DCTD: variants seen among roughly 807,000 people sequenced by gnomAD.
The protein encoded by DCTD is deoxycytidylate deaminase.
DCTD carries 23 observed loss-of-function variants against 21.0 expected under a neutral mutation model. That is an observed-to-expected ratio of 1.09 (90% CI 0.79 to 1.55). The LOEUF (loss-of-function observed/expected upper bound fraction) is 1.55, where lower values mean the gene tolerates loss of function less well. DCTD is among the 40% of genes most tolerant of loss of function. The pLI, the probability that DCTD is intolerant of heterozygous loss-of-function variation, is 0.00. For missense variants in DCTD, 224 were observed against 230.0 expected (o/e 0.97, Z 0.17); for synonymous variants, 71 against 81.1 (o/e 0.88, Z 0.67).
intron 3 of DCTD, among the ~76,000 whole-genome samples, chr4:182,911,963 A>G (rs1476111947): frequency 6.6e-6 from 1 of 152,134 alleles, no homozygotes; most frequent in Non-Finnish European, 1.5e-5. Flanking sequence ...AGAGTTAAAA[A>G]TCATTGTCCA....
intron 3 of DCTD, among the ~76,000 whole-genome samples, chr4:182,896,649 G>C (rs1183094737): frequency 1.3e-5 from 2 of 152,190 alleles, no homozygotes; most frequent in Non-Finnish European, 2.9e-5. Flanking sequence ...CCACATGTGC[G>C]CTGGCCTTGG....
chr4:182,897,120 A>G (rs1229674605), intron 3 of DCTD, among the ~76,000 whole-genome samples: 2 of 152,178 alleles, frequency 1.3e-5, no homozygotes, highest in African/African-American at 4.8e-5. Flanking sequence ...ATTTAACAGT[A>G]TAGGTCTGGA....
chr4:182,899,940 T>C (rs560656506), intron 3 of DCTD, among the ~76,000 whole-genome samples: 1 of 152,334 alleles, frequency 6.6e-6, no homozygotes, highest in Non-Finnish European at 1.5e-5. Context: ...ACTTACCAGG[T>C]GAGCATCCCA....
chr4:182,895,513 C>T (rs1333304323), intron 3 of DCTD, among the ~76,000 whole-genome samples: 3 of 152,178 alleles, frequency 2.0e-5, no homozygotes, highest in African/African-American at 7.2e-5. Context: ...TCCCCTTCCT[C>T]CCTCTCTCGA....
At chr4:182,909,479 C>G (rs1259949136) in intron 3 of DCTD, among the ~76,000 whole-genome samples, 1 of 152,136 alleles carries the variant, frequency 6.6e-6, no homozygotes, top group East Asian at 1.9e-4. Context: ...GCTGTCGGGC[C>G]ACAACTAGTA....
At chr4:182,903,612 A>C (rs1025913944) in intron 3 of DCTD, among the ~76,000 whole-genome samples, 1 of 152,056 alleles carries the variant, frequency 6.6e-6, no homozygotes, top group Non-Finnish European at 1.5e-5. Flanking sequence ...CTGGGGAGAA[A>C]GTGGTGGGTC....
intron 3 of DCTD, among the ~76,000 whole-genome samples, chr4:182,914,419 T>A (rs546281173): frequency 6.6e-6 from 1 of 152,346 alleles, no homozygotes; most frequent in East Asian, 1.9e-4. Flanking sequence ...ACAGTTTGAT[T>A]CCTGCTTGCC....
chr4:182,915,653 C>A (rs116529008), intron 1 of DCTD, 78 bp from the exon 2 acceptor site: 13 of 1,010,546 alleles, frequency 1.3e-5, no homozygotes, highest in Middle Eastern at 2.2e-4. Flanking sequence ...CCCAACCACA[C>A]TGAACCTTTA....
intron 3 of DCTD, 41 bp from the exon 4 acceptor site, chr4:182,894,646 G>T: frequency 7.8e-7 from 1 of 1,286,408 alleles, no homozygotes; most frequent in Non-Finnish European, 1.1e-6. Context: ...TTTGGTTGCA[G>T]CTCATGAAGA....
intron 1 of DCTD, chr4:182,916,776 G>C: frequency 8.9e-7 from 1 of 1,124,926 alleles, no homozygotes; most frequent in Non-Finnish European, 1.1e-6. Context: ...AGCAGGAGAG[G>C]GAAGGGTCCT....
chr4:182,902,994 AT>A (rs1340206503), intron 3 of DCTD, among the ~76,000 whole-genome samples: 1 of 152,192 alleles, frequency 6.6e-6, no homozygotes, highest in African/African-American at 2.4e-5. Context: ...GGACAAAGGG[AT>A]TTAAATCCTA....
chr4:182,906,395 A>C (rs569867858), intron 3 of DCTD, among the ~76,000 whole-genome samples: 1 of 152,336 alleles, frequency 6.6e-6, no homozygotes, highest in East Asian at 1.9e-4. Context: ...TCAAAAACAG[A>C]GACCCTCCCA....
chr4:182,912,495 G>A (rs898038906), intron 3 of DCTD, among the ~76,000 whole-genome samples: 2 of 152,148 alleles, frequency 1.3e-5, no homozygotes, highest in African/African-American at 4.8e-5. Flanking sequence ...TGAAAACCTA[G>A]AGGTATCATA....
At position 182,890,473 on chromosome 4, in the gene DCTD, G is replaced by A. The variant is rs894211505; in HGVS notation, c.*926C>T. Reference sequence around the variant, plus strand: ...TTCTCACAATCCACTCACGGGATAGGAATTAATTTTCTCTCCAGTTGCAGA... The same window carrying A: ...TTCTCACAATCCACTCACGGGATAGAAATTAATTTTCTCTCCAGTTGCAGA... On this transcript the variant is annotated 3_prime_UTR_variant, in exon 6 of 6. Transcript: ENST00000438320. 1 of 152,252 alleles carries A rather than the reference G, an allele frequency of 6.6e-6. No individual in the cohort carries two copies. The highest frequency in any genetic ancestry group is 6.5e-5 in the Admixed American group (1 of 15,290). 9.4% of individuals were successfully genotyped at this position (152,252 alleles called of 1,614,324 possible).
rs764555298 is a variant in DCTD at position 182,915,508 on chromosome 4, C to A, written c.61G>T (p.Ala21Ser). ...DYLEWPEYFM[A>S]VAFLSAQRSK... The stretch of plus-strand genomic sequence containing the variant: ...CTCTGTGCTGATAAGAAGGCCACAG[C>A]CATAAAATACTCTGGCCATTCCAAA... The change falls in exon 2 of 6, where the codon GCT (alanine) becomes TCT (serine). Residue 21 changes from alanine (A) to serine (S), a missense_variant. Transcript: ENST00000438320. The A allele has an allele frequency of 6.2e-7, 1 of 1,613,820 alleles. No individual in the cohort carries two copies. The highest frequency in any genetic ancestry group is 8.5e-7 in the Non-Finnish European group (1 of 1,179,700).
intron 3 of DCTD, among the ~76,000 whole-genome samples, chr4:182,895,074 A>C (rs1734502518): frequency 6.6e-6 from 1 of 152,216 alleles, no homozygotes; most frequent in Non-Finnish European, 1.5e-5. Flanking sequence ...CCACATACGC[A>C]CAAGGAAAAA....
At chr4:182,898,681 T>C (rs1250521610) in intron 3 of DCTD, among the ~76,000 whole-genome samples, 2 of 152,226 alleles carry the variant, frequency 1.3e-5, no homozygotes, top group African/African-American at 2.4e-5. Flanking sequence ...CCTGTAAGCA[T>C]GCATACTTAG....
intron 3 of DCTD, among the ~76,000 whole-genome samples, chr4:182,909,498 G>C (rs186916031): frequency 1.1e-3 from 170 of 152,352 alleles, no homozygotes; most frequent in Middle Eastern, 0.01. Flanking sequence ...TAGAAGGCCA[G>C]GCAGGGGAGG....
At position 182,894,545 on chromosome 4, in the gene DCTD, C is replaced by CTACA. The variant is rs767472686; in HGVS notation, c.301_304dup (p.Ser102MetfsTer2). On this transcript the variant is annotated stop_gained and frameshift_variant, in exon 4 of 6. Transcript: ENST00000438320. LOFTEE classifies it high-confidence loss of function. ...ACAAGGGAACAAGGCAACATACATA[C>CTACA]TACAGCCTTTCACATCGGTCGAATT... is the stretch of plus-strand genomic sequence containing the variant. 2 of 1,614,156 alleles carry CTACA rather than the reference C, an allele frequency of 1.2e-6. No individual in the cohort carries two copies. The highest frequency in any genetic ancestry group is 2.2e-5 in the East Asian group (1 of 44,890).
Sources: allele counts gnomAD v4.1 joint callset (sites outside exome capture counted in the v4.1 genomes callset), GRCh38; gene constraint gnomAD v4.1.1; transcripts MANE v1.5; gene names NCBI Gene and HGNC (gene_info 2026-07-23, HGNC 2026-07-21).